Variants in MAPKAP1 observed in about 807,000 individuals in gnomAD.
MAPKAP1 encodes the protein target of rapamycin complex 2 subunit MAPKAP1.
Under a neutral mutation model 65.7 loss-of-function variants are expected in MAPKAP1, and 20 were observed. The observed-to-expected ratio is 0.30, with a 90% CI of 0.21 to 0.44. The LOEUF (loss-of-function observed/expected upper bound fraction) is 0.44. Ranked by LOEUF, MAPKAP1 falls within the 20% of genes least tolerant of loss-of-function variation. MAPKAP1 has a pLI of 1.00. For synonymous variants in MAPKAP1, 222 were observed against 244.3 expected (o/e 0.91, Z 0.85); for missense variants, 423 against 648.0 (o/e 0.65, Z 3.77).
intron 6 of MAPKAP1, chr9:125,559,273 A>C: frequency 6.2e-6 from 1 of 161,706 alleles, no homozygotes; most frequent in Non-Finnish European, 1.3e-5. Flanking sequence ...ACAAGAGAGA[A>C]GTGGCCACAG....
intron 7 of MAPKAP1, among the ~76,000 whole-genome samples, chr9:125,508,319 G>A (rs986204935): frequency 6.6e-6 from 1 of 152,148 alleles, no homozygotes; most frequent in African/African-American, 2.4e-5. Context: ...CGTAATACTG[G>A]GTAGAAGGAA....
intron 8 of MAPKAP1, among the ~76,000 whole-genome samples, chr9:125,502,381 G>A (rs915215383): frequency 4.6e-5 from 7 of 152,094 alleles, no homozygotes; most frequent in African/African-American, 1.4e-4. Context: ...GATTACAGGC[G>A]TGAGCCACCG....
intron 4 of MAPKAP1, among the ~76,000 whole-genome samples, chr9:125,641,849 T>C (rs143610567): frequency 7.9e-5 from 12 of 152,048 alleles, no homozygotes; most frequent in African/African-American, 2.9e-4. Flanking sequence ...CTCACCAACA[T>C]GGTGAAACCC....
At chr9:125,493,869 C>T (rs1265309204) in intron 8 of MAPKAP1, among the ~76,000 whole-genome samples, 3 of 152,192 alleles carry the variant, frequency 2.0e-5, no homozygotes, top group African/African-American at 7.2e-5. Flanking sequence ...AGTAGTCATA[C>T]AAACAGTACA....
chr9:125,624,826 G>A (rs1479729663), intron 4 of MAPKAP1, among the ~76,000 whole-genome samples: 19 of 85,600 alleles, frequency 2.2e-4, no homozygotes, highest in African/African-American at 7.3e-4. Context: ...AAGATTGAGA[G>A]ATCGGATGGT....
At chr9:125,553,072 CTG>C (rs139123015) in intron 6 of MAPKAP1, among the ~76,000 whole-genome samples, 1 of 151,706 alleles carries the variant, frequency 6.6e-6, no homozygotes, top group Non-Finnish European at 1.5e-5. Context: ...ATATATGTCA[CTG>C]TGTGTGTGTG....
At chr9:125,498,724 C>T (rs1210547808) in intron 8 of MAPKAP1, among the ~76,000 whole-genome samples, 1 of 152,136 alleles carries the variant, frequency 6.6e-6, no homozygotes, top group Admixed American at 6.5e-5. Flanking sequence ...ATTTATAAAG[C>T]GTATATCCAT....
chr9:125,556,369 C>A (rs1363984461), intron 6 of MAPKAP1, among the ~76,000 whole-genome samples: 2 of 152,224 alleles, frequency 1.3e-5, no homozygotes, highest in African/African-American at 2.4e-5. Flanking sequence ...TAAACCAACA[C>A]CAGATTCCCC....
intron 10 of MAPKAP1, among the ~76,000 whole-genome samples, chr9:125,451,871 G>A (rs1037514090): frequency 2.0e-5 from 3 of 149,674 alleles, no homozygotes; most frequent in Non-Finnish European, 4.4e-5. Flanking sequence ...GCGCAGTGGC[G>A]CGATCTCAGC....
intron 4 of MAPKAP1, among the ~76,000 whole-genome samples, chr9:125,637,090 G>A (rs1833446339): frequency 6.6e-6 from 1 of 152,058 alleles, no homozygotes; most frequent in Admixed American, 6.6e-5. Flanking sequence ...CCAACATGGT[G>A]AAACCCTGTC....
chr9:125,646,191 G>T (rs1021281867), intron 4 of MAPKAP1, among the ~76,000 whole-genome samples: 2 of 152,090 alleles, frequency 1.3e-5, no homozygotes, highest in African/African-American at 4.8e-5. Context: ...AAAGACTAGA[G>T]ATCTTAGTAT....
Position 125,672,604 on chromosome 9 carries a change from C to G in MAPKAP1, c.-30G>C, listed in dbSNP as rs10986837. 2 of 1,608,940 alleles carry G rather than the reference C, an allele frequency of 1.2e-6. No individual in the cohort carries two copies. The highest frequency in any genetic ancestry group is 1.7e-6 in the Non-Finnish European group (2 of 1,176,440). ...TCTGTGGGCCAATTTCCTTAAAAGG[C>G]TATTTTCTCCTCTTCATATTGTTTC... On this transcript the variant is annotated 5_prime_UTR_variant, in exon 2 of 12. The change abolishes the stop of an existing upstream ORF in the 5' untranslated region. Transcript: ENST00000265960.
At chr9:125,687,613 CA>C (rs5900669) in intron 1 of MAPKAP1, among the ~76,000 whole-genome samples, 160 of 129,502 alleles carry the variant, frequency 1.2e-3, no homozygotes, top group East Asian at 1.4e-3. Flanking sequence ...CCCACCTATA[CA>C]AAAAAAAAAA....
At chr9:125,688,803 A>C (rs552160660) in intron 1 of MAPKAP1, among the ~76,000 whole-genome samples, 1 of 152,322 alleles carries the variant, frequency 6.6e-6, no homozygotes, top group Admixed American at 6.5e-5. Flanking sequence ...ATTATTCTTC[A>C]TGTTCTATAA....
At chr9:125,496,325 A>G (rs183698137) in intron 8 of MAPKAP1, among the ~76,000 whole-genome samples, 2 of 152,378 alleles carry the variant, frequency 1.3e-5, no homozygotes, top group East Asian at 1.9e-4. Flanking sequence ...CTCACCCTAC[A>G]GAAAATTCCT....
At chr9:125,636,185 A>C (rs1159660439) in intron 4 of MAPKAP1, among the ~76,000 whole-genome samples, 1 of 152,214 alleles carries the variant, frequency 6.6e-6, no homozygotes, top group Non-Finnish European at 1.5e-5. Context: ...AGAAAAAAGG[A>C]GGCTGGTTCT....
At chr9:125,692,927 C>A (rs10121109) in intron 1 of MAPKAP1, among the ~76,000 whole-genome samples, 45,517 of 152,014 alleles carry the variant, frequency 0.3, 7,853 homozygotes, top group Non-Finnish European at 0.39. Context: ...ACCTTCGTGA[C>A]CTGTGTAAAG....
intron 8 of MAPKAP1, among the ~76,000 whole-genome samples, chr9:125,502,472 T>G (rs1352706378): frequency 6.6e-6 from 1 of 152,210 alleles, no homozygotes; most frequent in African/African-American, 2.4e-5. Flanking sequence ...TTTAGTTATA[T>G]CCTCAAATTT....
chr9:125,513,109 C>G (rs1039031736), intron 7 of MAPKAP1: 1 of 152,182 alleles, frequency 6.6e-6, no homozygotes, highest in African/African-American at 2.4e-5. Flanking sequence ...CAGCATAGCG[C>G]TGATCTAGGC....
Sources: gnomAD v4.1 joint callset for allele counts (sites outside exome capture counted in the v4.1 genomes callset) on GRCh38, gnomAD v4.1.1 for gene constraint, MANE v1.5 for transcripts, NCBI Gene and HGNC (gene_info 2026-07-23, HGNC 2026-07-21) for gene names.